PLXNA4: variants seen among roughly 807,000 people sequenced by gnomAD.
PLXNA4 encodes plexin-A4.
A neutral mutation model predicts 191.8 loss-of-function variants in PLXNA4; 44 were observed. That is an observed-to-expected ratio of 0.23 (90% CI 0.18 to 0.29). The LOEUF is 0.29. Among genes scored for constraint, PLXNA4 ranks in the 10% least tolerant of loss-of-function variants. PLXNA4 has a pLI of 1.00. For synonymous variants in PLXNA4, 1,082 were observed against 1,009.5 expected, an observed-to-expected ratio of 1.07 and a Z score of -1.36; for missense variants, 1,800 against 2,488.8, an observed-to-expected ratio of 0.72 and a Z score of 5.89.
rs570286340 is a variant in PLXNA4, at chr7:132,264,697, T to C, written c.1504-23531A>G. On this transcript the variant is annotated intron_variant, in intron 4 of 31. Coordinates refer to ENST00000321063, the MANE Select transcript of PLXNA4 (RefSeq NM_020911.2). ...CGGTCCTCCCCGCTTTTTTTTTTTTTTTTTTCTTTTTCTTTTTGTAGACAG... is the reference window on the plus strand; with the variant it reads ...CGGTCCTCCCCGCTTTTTTTTTTTTCTTTTTCTTTTTCTTTTTGTAGACAG... Among the ~76,000 whole-genome samples, 818 of 151,534 alleles carry C rather than the reference T, an allele frequency of 5.4e-3. 7 individuals carry two copies. The highest frequency in any genetic ancestry group is 6.3e-3 in the Non-Finnish European group (424 of 67,828).
Position 132,126,832 on chromosome 7 carries a change from G to C in PLXNA4, c.*3647C>G, listed in dbSNP as rs1367622029. ...CATTGGAATGTACCTTGGCCTGTGG[G>C]ACACTTGGGTTATCCACTGTTCCCA... On this transcript the variant is annotated 3_prime_UTR_variant, in exon 32 of 32. Transcript: ENST00000321063. 1 of 152,228 alleles carries C rather than the reference G, an allele frequency of 6.6e-6. No individual in the cohort carries two copies. The highest frequency in any genetic ancestry group is 1.5e-5 in the Non-Finnish European group (1 of 68,046). The allele number at this position is 152,228 out of a possible 1,614,324, so 9.4% of individuals were successfully genotyped here.
At chr7:132,245,135 C>T (rs574386988) in intron 4 of PLXNA4, among the ~76,000 whole-genome samples, 23 of 152,128 alleles carry the variant, frequency 1.5e-4, no homozygotes, top group African/African-American at 4.3e-4. Context: ...AGCTGCAGTG[C>T]CAGGCATGCT....
At chr7:132,561,889 CCTT>C (rs1801139245) in intron 1 of PLXNA4, among the ~76,000 whole-genome samples, 1 of 137,788 alleles carries the variant, frequency 7.3e-6, no homozygotes, top group Non-Finnish European at 1.6e-5. Context: ...TTCTCCTCTG[CCTT>C]CTCCTTCTCC....
At chr7:132,175,762 A>G (rs752506214) in intron 20 of PLXNA4, among the ~76,000 whole-genome samples, 5 of 152,202 alleles carry the variant, frequency 3.3e-5, no homozygotes, top group Admixed American at 6.5e-5. Flanking sequence ...TGAGGCACCC[A>G]GCCCTTCCCT....
chr7:132,587,325 G>A (rs1467280476), intron 2 of PLXNA4, among the ~76,000 whole-genome samples: 1 of 152,194 alleles, frequency 6.6e-6, no homozygotes, highest in African/African-American at 2.4e-5. Context: ...TGTGAAAGTA[G>A]GATCAGAGAA....
intron 20 of PLXNA4, among the ~76,000 whole-genome samples, chr7:132,176,979 ATGCATGTG>A (rs1424066289): frequency 6.6e-6 from 1 of 152,216 alleles, no homozygotes; most frequent in Non-Finnish European, 1.5e-5. Context: ...ATGAGTGTGC[ATGCATGTG>A]TGCATGTGAG....
chr7:132,159,458 G>A lies in PLXNA4; in HGVS notation c.4660+15C>T. On this transcript the variant is annotated intron_variant, in intron 25 of 31. Coordinates refer to ENST00000321063, the MANE Select transcript of PLXNA4 (RefSeq NM_020911.2). ...GCAGCCACAAGGACAGCCCCTGGGT[G>A]GACAGCCTACTCACCCAGATCCATA... 6.2e-7 allele frequency: 1 copy of A among 1,613,516 alleles called. No individual in the cohort carries two copies. The highest frequency in any genetic ancestry group is 8.5e-7 in the Non-Finnish European group (1 of 1,179,662).
chr7:132,168,964 G>T (rs1201473021), intron 21 of PLXNA4, among the ~76,000 whole-genome samples: 1 of 152,174 alleles, frequency 6.6e-6, no homozygotes, highest in African/African-American at 2.4e-5. Context: ...TTTACACCCT[G>T]AGAATCCCCA....
intron 4 of PLXNA4, among the ~76,000 whole-genome samples, chr7:132,276,231 G>C (rs889338391): frequency 7.2e-5 from 11 of 152,112 alleles, no homozygotes; most frequent in African/African-American, 2.7e-4. Context: ...AATATGAGTG[G>C]GGACTTTCTA....
chr7:132,200,124 C>T (rs1797383841), intron 12 of PLXNA4, among the ~76,000 whole-genome samples: 2 of 152,188 alleles, frequency 1.3e-5, no homozygotes, highest in Non-Finnish European at 2.9e-5. Flanking sequence ...ATCTCTGGCC[C>T]ACTCCTTCGT....
intron 3 of PLXNA4, among the ~76,000 whole-genome samples, chr7:132,426,581 T>C (rs1294962882): frequency 6.6e-6 from 1 of 152,182 alleles, no homozygotes; most frequent in Non-Finnish European, 1.5e-5. Flanking sequence ...GCAGATTTAG[T>C]ACCATCTAAA....
intron 5 of PLXNA4, among the ~76,000 whole-genome samples, chr7:132,235,956 C>T (rs773294316): frequency 2.6e-5 from 4 of 152,172 alleles, no homozygotes; most frequent in Non-Finnish European, 5.9e-5. Flanking sequence ...AGGGCCACCT[C>T]AATACTTAGC....
At chr7:132,471,945 C>T (rs1398952399) in intron 3 of PLXNA4, among the ~76,000 whole-genome samples, 1 of 152,140 alleles carries the variant, frequency 6.6e-6, no homozygotes, top group African/African-American at 2.4e-5. Context: ...TATTGAACTG[C>T]CCAAAAAGGG....
Position 132,507,890 on chromosome 7 carries a change from G to C in PLXNA4, c.804C>G (p.Gly268=), listed in dbSNP as rs189555708. 1 of 1,614,158 alleles carries C rather than the reference G, an allele frequency of 6.2e-7. No individual in the cohort carries two copies. The highest frequency in any genetic ancestry group is 2.2e-5 in the East Asian group (1 of 44,886). ...TATACACCTGCTCCTTGGTGGTGGA[G>C]CCTGGTGGAGACACCATCTCAGGTT... ...TLQPEMVSPP[G]STTKEQVYTS... The change falls in exon 2 of 32, where the codon GGC becomes GGG. Residue 268 remains glycine (G), a synonymous_variant. Coordinates refer to ENST00000321063, the MANE Select transcript of PLXNA4 (RefSeq NM_020911.2).
At chr7:132,132,917 G>A (rs1312144374) in intron 31 of PLXNA4, 132 bp downstream of exon 31, 17 of 1,314,242 alleles carry the variant, frequency 1.3e-5, no homozygotes, top group Non-Finnish European at 1.7e-5. Context: ...ACAGCCCCAG[G>A]TCCTCAGTGG....
intron 3 of PLXNA4, among the ~76,000 whole-genome samples, chr7:132,302,407 T>A (rs1801342072): frequency 6.6e-6 from 1 of 152,032 alleles, no homozygotes. Flanking sequence ...CTCAGTGCAA[T>A]CCCCAATACA....
intron 4 of PLXNA4, among the ~76,000 whole-genome samples, chr7:132,297,178 G>A (rs145854880): frequency 6.6e-6 from 1 of 152,208 alleles, no homozygotes; most frequent in African/African-American, 2.4e-5. Flanking sequence ...AAAAAGAGGG[G>A]AGATCTGCCC....
chr7:132,589,296 T>A lies in PLXNA4; in HGVS notation c.-87+56632A>T, dbSNP rs568349826. 7.2e-5 allele frequency among the ~76,000 whole-genome samples: 11 copies of A among 152,306 alleles called. No individual in the cohort carries two copies. The South Asian group carries it at 2.3e-3, about 32-fold the overall frequency. On this transcript the variant is annotated intron_variant, in intron 2 of 4. Coordinates refer to the PLXNA4 transcript ENST00000378539. ...TGAGGGAGAGAGTGTCGATTTAGAA[T>A]GCAATTCTTCTTGATTCTGATCATA...
Position 132,130,286 on chromosome 7 carries a change from G to A in PLXNA4, c.*193C>T. The A allele has an allele frequency of 1.3e-6, 1 of 770,018 alleles. No homozygotes were observed. Among genetic ancestry groups the A allele is most frequent in the Non-Finnish European group, 2.0e-6 (1 of 496,372 alleles). The allele number at this position is 770,018 out of a possible 1,614,324, so 47.7% of individuals were successfully genotyped here. A position where few individuals can be genotyped will look rare whatever the true frequency, so the allele number is the denominator to read the frequency against. ...TCAGTGGCTTGGTCCAATCGTGTTGGCAGAGCAACTGGAAGAGAAGAGATC... is the reference window on the plus strand; with the variant it reads ...TCAGTGGCTTGGTCCAATCGTGTTGACAGAGCAACTGGAAGAGAAGAGATC... On this transcript the variant is annotated 3_prime_UTR_variant, in exon 32 of 32. Transcript: ENST00000321063.
Sources: gnomAD v4.1 joint callset for allele counts (sites outside exome capture counted in the v4.1 genomes callset) on GRCh38, gnomAD v4.1.1 for gene constraint, MANE v1.5 for transcripts, NCBI Gene and HGNC (gene_info 2026-07-23, HGNC 2026-07-21) for gene names.